The following PPM1L variants were observed in gnomAD, a reference collection of about 807,000 sequenced individuals.
The protein encoded by PPM1L is protein phosphatase, Mg2+/Mn2+ dependent 1L, also known as protein phosphatase 1L.
In PPM1L, 13 loss-of-function variants were observed where a neutral mutation model predicts 31.4. That is an observed-to-expected ratio of 0.41 (90% CI 0.27 to 0.66). PPM1L has a LOEUF of 0.66. PPM1L is among the 30% of genes least tolerant of loss of function. PPM1L has a pLI of 0.29. For synonymous variants in PPM1L, 184 were observed against 175.4 expected, an observed-to-expected ratio of 1.05 and a Z score of -0.39; for missense variants, 326 against 453.7, an observed-to-expected ratio of 0.72 and a Z score of 2.56.
intron 2 of PPM1L, among the ~76,000 whole-genome samples, chr3:160,993,140 T>C (rs943477117): frequency 3.9e-5 from 6 of 152,068 alleles, no homozygotes; most frequent in African/African-American, 7.2e-5. Flanking sequence ...GTGCCTGATA[T>C]AGGTTAATCA....
intron 2 of PPM1L, among the ~76,000 whole-genome samples, chr3:161,015,454 C>T (rs745746456): frequency 1.3e-5 from 2 of 152,178 alleles, no homozygotes; most frequent in Non-Finnish European, 2.9e-5. Flanking sequence ...CTGAGTTGAT[C>T]AGAATATGCA....
chr3:160,988,010 C>G (rs1051547069), intron 2 of PPM1L, among the ~76,000 whole-genome samples: 3 of 152,114 alleles, frequency 2.0e-5, no homozygotes, highest in African/African-American at 7.2e-5. Flanking sequence ...GAGGCAGATT[C>G]TCTAAGAGTT....
intron 1 of PPM1L, among the ~76,000 whole-genome samples, chr3:160,821,122 C>T (rs369015085): frequency 7.9e-5 from 12 of 152,096 alleles, no homozygotes; most frequent in Admixed American, 3.3e-4. Context: ...TGAGAATCAC[C>T]GGTCATGGCC....
intron 1 of PPM1L, among the ~76,000 whole-genome samples, chr3:160,877,690 T>C (rs6768115): frequency 0.34 from 52,405 of 152,008 alleles, 9,732 homozygotes; most frequent in East Asian, 0.51. Context: ...TGAAGTACAC[T>C]GGATTTTACA....
At chr3:161,056,049 G>A (rs1170629984) in intron 2 of PPM1L, among the ~76,000 whole-genome samples, 1 of 152,116 alleles carries the variant, frequency 6.6e-6, no homozygotes, top group African/African-American at 2.4e-5. Context: ...CATAAAATAA[G>A]GATTCTCAGG....
chr3:160,933,947 A>G (rs1209280511), intron 1 of PPM1L, among the ~76,000 whole-genome samples: 1 of 152,352 alleles, frequency 6.6e-6, no homozygotes, highest in East Asian at 1.9e-4. Flanking sequence ...ATTTCAACCT[A>G]ATAGTGTAAT....
At chr3:160,965,857 G>C (rs1474921804) in intron 2 of PPM1L, among the ~76,000 whole-genome samples, 1 of 151,934 alleles carries the variant, frequency 6.6e-6, no homozygotes, top group Non-Finnish European at 1.5e-5. Flanking sequence ...TGATAAATCA[G>C]CCTGAGTGAC....
chr3:160,914,885 A>T (rs1474874823), intron 1 of PPM1L, among the ~76,000 whole-genome samples: 1 of 152,102 alleles, frequency 6.6e-6, no homozygotes, highest in African/African-American at 2.4e-5. Context: ...ACAATGGTTG[A>T]ACTAGTTTAC....
At chr3:160,904,783 A>G (rs1375441291) in intron 1 of PPM1L, among the ~76,000 whole-genome samples, 3 of 151,986 alleles carry the variant, frequency 2.0e-5, no homozygotes, top group Non-Finnish European at 2.9e-5. Context: ...AGAGAGAGAG[A>G]GGGAGAGAGA....
At chr3:160,985,011 A>C (rs1362240977) in intron 2 of PPM1L, among the ~76,000 whole-genome samples, 1 of 152,146 alleles carries the variant, frequency 6.6e-6, no homozygotes, top group Non-Finnish European at 1.5e-5. Flanking sequence ...CATTTATCTA[A>C]CCAAAATGTA....
At chr3:161,035,851 T>C (rs1718725755) in intron 2 of PPM1L, 1 of 152,272 alleles carries the variant, frequency 6.6e-6, no homozygotes, top group Admixed American at 6.5e-5. Flanking sequence ...CAGCATATGA[T>C]TGAACGTACT....
intron 2 of PPM1L, among the ~76,000 whole-genome samples, chr3:161,004,794 C>T (rs1266849764): frequency 2.0e-5 from 3 of 151,322 alleles, no homozygotes; most frequent in African/African-American, 2.4e-5. Flanking sequence ...AAAACCAGCT[C>T]CTGGATTCAT....
intron 1 of PPM1L, among the ~76,000 whole-genome samples, chr3:160,856,489 A>G (rs1261996972): frequency 1.3e-5 from 2 of 152,222 alleles, no homozygotes; most frequent in African/African-American, 2.4e-5. Flanking sequence ...AAAAAGAATG[A>G]GATCATGTCC....
Position 160,824,251 on chromosome 3 carries a change from G to A in PPM1L, c.399+67544G>A, listed in dbSNP as rs188524702. On this transcript the variant is annotated intron_variant, in intron 1 of 3. Transcript: ENST00000498165. ...GGATAGAATGAGGAATAGGCAGTCT[G>A]CAACCTGGAAAAGAGTCCTAACCGA... is the stretch of plus-strand genomic sequence containing the variant. Among the ~76,000 whole-genome samples, 6 of 152,176 alleles carry A rather than the reference G, an allele frequency of 3.9e-5. No individual in the cohort carries two copies. In the East Asian group the frequency reaches 7.7e-4, roughly 20 times the overall value.
chr3:161,022,031 C>T (rs1718247685), intron 2 of PPM1L: 2 of 465,586 alleles, frequency 4.3e-6, no homozygotes, highest in Non-Finnish European at 7.6e-6. Context: ...GTTATGTTTA[C>T]TATTTTACTA....
intron 1 of PPM1L, among the ~76,000 whole-genome samples, chr3:160,912,598 A>G (rs1412093084): frequency 6.6e-6 from 1 of 152,224 alleles, no homozygotes; most frequent in African/African-American, 2.4e-5. Context: ...CAATTGATTT[A>G]TCTGGATCCC....
intron 2 of PPM1L, among the ~76,000 whole-genome samples, chr3:160,965,553 G>A (rs1222394847): frequency 6.6e-6 from 1 of 152,036 alleles, no homozygotes; most frequent in Non-Finnish European, 1.5e-5. Flanking sequence ...GCATATATAA[G>A]TTAGGCTAAA....
At chr3:160,902,402 A>G (rs758695144) in intron 1 of PPM1L, among the ~76,000 whole-genome samples, 1 of 152,134 alleles carries the variant, frequency 6.6e-6, no homozygotes, top group African/African-American at 2.4e-5. Flanking sequence ...AAATCATCTT[A>G]TGTCATTCCC....
Position 161,069,272 on chromosome 3 carries a change from T to C in PPM1L, c.*115T>C. 1.3e-6 allele frequency: 1 copy of C among 796,684 alleles called. No individual in the cohort carries two copies. Among genetic ancestry groups the C allele is most frequent in the Non-Finnish European group, 1.9e-6 (1 of 515,908 alleles). 49.4% of individuals were successfully genotyped at this position (796,684 alleles called of 1,614,324 possible). ...AGGATCATCCACCCCAGACATGGAA[T>C]CCCCCCTCCCTGGTGGTCTTAGGTC... On this transcript the variant is annotated 3_prime_UTR_variant, in exon 4 of 4. Coordinates refer to ENST00000498165, the MANE Select transcript of PPM1L (RefSeq NM_139245.4).
Sources: gnomAD v4.1 joint callset for allele counts (sites outside exome capture counted in the v4.1 genomes callset) on GRCh38, gnomAD v4.1.1 for gene constraint, MANE v1.5 for transcripts, NCBI Gene and HGNC (gene_info 2026-07-23, HGNC 2026-07-21) for gene names.